Variants in MROH7 observed in about 807,000 individuals in gnomAD.
The protein encoded by MROH7 is maestro heat-like repeat-containing protein family member 7.
In MROH7, 113 loss-of-function variants were observed where a neutral mutation model predicts 129.2. The observed-to-expected ratio is 0.87, with a 90% confidence interval of 0.75 to 1.02. The LOEUF (loss-of-function observed/expected upper bound fraction) is 1.02, where lower values mean the gene tolerates loss of function less well. MROH7 is among the 50% of genes least tolerant of loss of function. The pLI is 0.00. For missense variants in MROH7, 1,601 were observed against 1,671.3 expected (o/e 0.96, Z 0.73); for synonymous variants, 655 against 667.9 (o/e 0.98, Z 0.30).
chr1:54,676,977 G>A (rs1342990603), intron 10 of MROH7, among the ~76,000 whole-genome samples: 1 of 152,128 alleles, frequency 6.6e-6, no homozygotes, highest in Non-Finnish European at 1.5e-5. Context: ...AAAGTGTTAG[G>A]ATTACAGGCA....
chr1:54,690,451 T>C (rs1038836465), intron 15 of MROH7, among the ~76,000 whole-genome samples: 6 of 108,882 alleles, frequency 5.5e-5, no homozygotes, highest in African/African-American at 1.6e-4. Context: ...TTTTTTTTTT[T>C]CCTTTTTTTT....
At chr1:54,678,621 A>G (rs1016852265) in intron 10 of MROH7, 121 bp from the exon 11 acceptor site, 9 of 682,304 alleles carry the variant, frequency 1.3e-5, no homozygotes, top group African/African-American at 1.3e-4. Context: ...GCTGGCTACA[A>G]TGGTGTGTTC....
At position 54,682,737 on chromosome 1, in the gene MROH7, C is replaced by G; in HGVS notation, c.2463C>G (p.Gly821=). Residue 821 remains glycine (G), a synonymous_variant, in exon 14 of 24, where the codon GGC becomes GGG. Transcript: ENST00000421030. ...GAGACCTCCTGGATCTGCTCCTGGG[C>G]AGCCTGAAGGAGAAGCCCGTCACCA... is the stretch of plus-strand genomic sequence containing the variant. ...DVRDLLDLLL[G]SLKEKPVTKE... The G allele has an allele frequency of 1.2e-6, 2 of 1,614,110 alleles. No homozygotes were observed. Among genetic ancestry groups the G allele is most frequent in the Non-Finnish European group, 8.5e-7 (1 of 1,180,022 alleles).
Position 54,679,873 on chromosome 1 carries a change from G to A in MROH7, c.2227-18G>A, listed in dbSNP as rs768180710. On this transcript the variant is annotated intron_variant, in intron 12 of 23. Transcript: ENST00000421030. The stretch of plus-strand genomic sequence containing the variant: ...CTTGGCAGTCCCCTTGCTCATGGCT[G>A]CCCCGGCTGTGCCCCAGATCCCAGA... The A allele has an allele frequency of 6.3e-7, 1 of 1,598,774 alleles. No homozygotes were observed. Among genetic ancestry groups the A allele is most frequent in the Non-Finnish European group, 8.5e-7 (1 of 1,174,248 alleles).
chr1:54,704,194 A>G (rs1303180411), intron 21 of MROH7, among the ~76,000 whole-genome samples: 2 of 152,200 alleles, frequency 1.3e-5, no homozygotes, highest in Non-Finnish European at 2.9e-5. Flanking sequence ...TGATATTACC[A>G]TCACATTCCA....
chr1:54,696,902 C>A (rs1645332589), intron 17 of MROH7, among the ~76,000 whole-genome samples: 1 of 151,982 alleles, frequency 6.6e-6, no homozygotes. Context: ...GAACTCCTGA[C>A]CTCAAATGAT....
chr1:54,688,790 A>C (rs373262205), intron 15 of MROH7, among the ~76,000 whole-genome samples: 6 of 152,170 alleles, frequency 3.9e-5, no homozygotes, highest in East Asian at 3.9e-4. Flanking sequence ...CTCTGGGGAA[A>C]ACACAAGGGG....
intron 1 of MROH7, among the ~76,000 whole-genome samples, chr1:54,647,204 T>C (rs1009021853): frequency 1.3e-5 from 2 of 152,216 alleles, no homozygotes; most frequent in Non-Finnish European, 2.9e-5. Flanking sequence ...AAGAAACCAT[T>C]GCCAAATCCA....
rs757759074 is a variant in MROH7 at position 54,652,930 on chromosome 1, G to C, written c.4G>C (p.Ala2Pro). ...TTGAGAGACCTCCAGACTGGACATG[G>C]CCCTGAGTCCAGGGGCTAACCTGGT... M[A>P]LSPGANLVFH... Residue 2 changes from alanine to proline, a missense_variant, in exon 3 of 24, where the codon GCC becomes CCC. By Grantham distance (27) the Ala-to-Pro change is conservative. Transcript: ENST00000421030. 1 of 1,581,082 alleles carries C rather than the reference G, an allele frequency of 6.3e-7. No individual in the cohort carries two copies. Among genetic ancestry groups the C allele is most frequent in the South Asian group, 1.2e-5 (1 of 85,258 alleles).
chr1:54,683,458 C>T (rs1645101349), intron 14 of MROH7, among the ~76,000 whole-genome samples: 2 of 152,192 alleles, frequency 1.3e-5, no homozygotes, highest in Non-Finnish European at 2.9e-5. Context: ...CCACCCTGGT[C>T]CATGCCAGTT....
At position 54,680,002 on chromosome 1, in the gene MROH7, G is replaced by C. The variant is rs370688091; in HGVS notation, c.2338G>C (p.Glu780Gln). 6.2e-7 allele frequency: 1 copy of C among 1,613,912 alleles called. No individual in the cohort carries two copies. Among genetic ancestry groups the C allele is most frequent in the Non-Finnish European group, 8.5e-7 (1 of 1,179,986 alleles). Residue 780 changes from glutamate (E) to glutamine (Q), a missense_variant, in exon 13 of 24, where the codon GAG (glutamate) becomes CAG (glutamine). Transcript: ENST00000421030. ...CCTCCTGGCTAGCTCCTTCATGACC[G>C]AGGTTGTGGTGGCCCTGCTCATGTG... ...VSLLASSFMT[E>Q]VVVALLMCPL...
intron 1 of MROH7, among the ~76,000 whole-genome samples, chr1:54,642,957 T>C (rs1425049402): frequency 6.6e-6 from 1 of 152,238 alleles, no homozygotes; most frequent in African/African-American, 2.4e-5. Flanking sequence ...AACATGCCAA[T>C]GAATGAGATG....
rs1251798022 is a variant in MROH7, at chr1:54,692,393, G to C, written c.2712-31G>C. 2.5e-6 allele frequency: 4 copies of C among 1,612,122 alleles called. No individual in the cohort carries two copies. The South Asian group carries it at 3.3e-5, about 13-fold the overall frequency. ...GCTTGGCCTGCTAGGGCCCAGGTAGGCATGAGGTCTTAATTGCCTTGTCTT... is the reference window on the plus strand; with the variant it reads ...GCTTGGCCTGCTAGGGCCCAGGTAGCCATGAGGTCTTAATTGCCTTGTCTT... On this transcript the variant is annotated intron_variant, in intron 15 of 23. Coordinates refer to ENST00000421030, the MANE Select transcript of MROH7 (RefSeq NM_001039464.4).
Position 54,686,297 on chromosome 1 carries a change from T to C in MROH7, c.2560T>C (p.Cys854Arg). ...GLCELLSVNS[C>R]MGRVRRIYPQ... ...GTGCGAGCTCCTGTCCGTCAACAGC[T>C]GCATGGGCCGTGTGAGGCGCATCTA... The change falls in exon 15 of 24, where the codon TGC (cysteine) becomes CGC (arginine). Residue 854 changes from cysteine (C) to arginine (R), a missense_variant. Transcript: ENST00000421030. 15 of 1,614,056 alleles carry C rather than the reference T, an allele frequency of 9.3e-6. No homozygotes were observed. The highest frequency in any genetic ancestry group is 1.2e-5 in the Non-Finnish European group (14 of 1,179,986).
intron 15 of MROH7, among the ~76,000 whole-genome samples, chr1:54,687,286 G>A (rs1462175910): frequency 6.6e-6 from 1 of 152,126 alleles, no homozygotes; most frequent in Non-Finnish European, 1.5e-5. Flanking sequence ...CGTTGGCCAG[G>A]CTGGTCTTGA....
intron 3 of MROH7, 77 bp from the exon 4 acceptor site, chr1:54,665,090 G>C: frequency 9.1e-7 from 1 of 1,101,450 alleles, no homozygotes; most frequent in Non-Finnish European, 1.4e-6. Context: ...CCTAGAGGGG[G>C]AGGAGAGAGA....
intron 1 of MROH7, among the ~76,000 whole-genome samples, chr1:54,646,017 C>T (rs899593972): frequency 1.3e-5 from 2 of 152,180 alleles, no homozygotes; most frequent in African/African-American, 4.8e-5. Context: ...TGGCACAGGC[C>T]CGGTCTCCAG....
chr1:54,673,442 C>T (rs1018714695), intron 8 of MROH7, among the ~76,000 whole-genome samples: 3 of 152,104 alleles, frequency 2.0e-5, no homozygotes, highest in African/African-American at 7.2e-5. Context: ...TCTTCCCATG[C>T]TTGTCCCTGC....
chr1:54,677,150 G>C (rs1644995037), intron 10 of MROH7, among the ~76,000 whole-genome samples: 1 of 152,084 alleles, frequency 6.6e-6, no homozygotes, highest in Non-Finnish European at 1.5e-5. Flanking sequence ...TGTAATTCCA[G>C]CACTTTGGGA....
Sources: gnomAD v4.1 joint callset for allele counts (sites outside exome capture counted in the v4.1 genomes callset) on GRCh38, gnomAD v4.1.1 for gene constraint, MANE v1.5 for transcripts, NCBI Gene and HGNC (gene_info 2026-07-23, HGNC 2026-07-21) for gene names.